The following NRG1 variants were observed in gnomAD, a reference collection of about 807,000 sequenced individuals.
NRG1 encodes neuregulin 1.
Under a neutral mutation model 63.8 loss-of-function variants are expected in NRG1, and 18 were observed. The ratio of observed to expected loss-of-function variants is 0.28; its 90% CI spans 0.19 to 0.42. The LOEUF (loss-of-function observed/expected upper bound fraction) is 0.42. Among genes scored for constraint, NRG1 ranks in the 10% least tolerant of loss-of-function variants. The pLI is 1.00. For missense variants in NRG1, 762 were observed against 814.7 expected, an observed-to-expected ratio of 0.94 and a Z score of 0.79; for synonymous variants, 302 against 301.3, an observed-to-expected ratio of 1.00 and a Z score of -0.02.
chr8:31,680,669 C>G (rs996471538), intron 1 of NRG1, among the ~76,000 whole-genome samples: 6 of 151,454 alleles, frequency 4.0e-5, no homozygotes. Flanking sequence ...AATGGGATGG[C>G]TGGGTCAAAT....
At chr8:31,748,094 T>G (rs922076030) in intron 1 of NRG1, among the ~76,000 whole-genome samples, 1 of 151,992 alleles carries the variant, frequency 6.6e-6, no homozygotes, top group African/African-American at 2.4e-5. Flanking sequence ...TCTACCATAT[T>G]GTAATACTGT....
intron 1 of NRG1, among the ~76,000 whole-genome samples, chr8:31,662,267 T>C (rs1415568259): frequency 6.6e-6 from 1 of 152,210 alleles, no homozygotes; most frequent in Non-Finnish European, 1.5e-5. Flanking sequence ...TGTGCACTTT[T>C]CTTCATACAT....
intron 1 of NRG1, among the ~76,000 whole-genome samples, chr8:32,549,157 T>C (rs1363679755): frequency 6.6e-6 from 1 of 152,196 alleles, no homozygotes; most frequent in African/African-American, 2.4e-5. Flanking sequence ...GAGTGGGACC[T>C]GGGCTATAGG....
chr8:32,566,342 C>CAAAA (rs35064563), intron 1 of NRG1, among the ~76,000 whole-genome samples: 9,962 of 102,290 alleles, frequency 0.097, 579 homozygotes, highest in Admixed American at 0.22. Context: ...CAGAACATCT[C>CAAAA]AAAAAAAAAA....
At chr8:32,765,473 C>T (rs1314169533) in exon 12 of NRG1, 2 of 152,108 alleles carry the variant, frequency 1.3e-5, no homozygotes, top group Admixed American at 1.3e-4. Context: ...GTATTTCCAT[C>T]GTAGAGTGTT....
At chr8:32,412,423 CATATAT>C (rs1178545836) in intron 1 of NRG1, among the ~76,000 whole-genome samples, 24 of 93,018 alleles carry the variant, frequency 2.6e-4, no homozygotes, top group South Asian at 1.5e-3. Flanking sequence ...TCTCTCTCTA[CATATAT>C]ATATATATAT....
intron 5 of NRG1, chr8:32,648,058 C>T: frequency 6.2e-7 from 1 of 1,614,106 alleles, no homozygotes; most frequent in South Asian, 1.1e-5. Context: ...CACCTTGACC[C>T]TGGGGGGTTA....
intron 1 of NRG1, among the ~76,000 whole-genome samples, chr8:31,932,459 C>T (rs1790449593): frequency 6.6e-6 from 1 of 152,140 alleles, no homozygotes; most frequent in Admixed American, 6.5e-5. Flanking sequence ...TTGTGCTTTT[C>T]CTTTGAGATC....
At chr8:32,148,961 C>T (rs949639168) in intron 1 of NRG1, among the ~76,000 whole-genome samples, 18 of 152,170 alleles carry the variant, frequency 1.2e-4, no homozygotes, top group African/African-American at 4.1e-4. Flanking sequence ...GGGCATCTAT[C>T]ATCCAGGACC....
At chr8:32,522,820 T>C (rs1830463170) in intron 1 of NRG1, among the ~76,000 whole-genome samples, 1 of 151,950 alleles carries the variant, frequency 6.6e-6, no homozygotes, top group South Asian at 2.1e-4. Context: ...TTTTTTTTTT[T>C]TTTGAGACAG....
chr8:32,182,666 C>T (rs1841559015), intron 1 of NRG1, among the ~76,000 whole-genome samples: 1 of 152,154 alleles, frequency 6.6e-6, no homozygotes, highest in South Asian at 2.1e-4. Context: ...CCTCTCTTCC[C>T]TCCTATTTTG....
chr8:32,107,516 C>T (rs1585339373), intron 1 of NRG1, among the ~76,000 whole-genome samples: 1 of 152,210 alleles, frequency 6.6e-6, no homozygotes, highest in South Asian at 2.1e-4. Flanking sequence ...TTTTTTGGCT[C>T]CAGCTGCTCT....
intron 1 of NRG1, among the ~76,000 whole-genome samples, chr8:32,388,913 T>C (rs1345526900): frequency 6.6e-6 from 1 of 152,200 alleles, no homozygotes; most frequent in African/African-American, 2.4e-5. Flanking sequence ...CCATATGGCT[T>C]CTGGGAAATT....
intron 5 of NRG1, among the ~76,000 whole-genome samples, chr8:32,628,304 A>T (rs1417925091): frequency 6.6e-6 from 1 of 152,194 alleles, no homozygotes; most frequent in Non-Finnish European, 1.5e-5. Context: ...AATTTTGTAC[A>T]TTTCTCTTAT....
chr8:32,354,270 G>A (rs1251379523), intron 1 of NRG1, among the ~76,000 whole-genome samples: 1 of 152,172 alleles, frequency 6.6e-6, no homozygotes, highest in African/African-American at 2.4e-5. Context: ...TAGGGAGGCT[G>A]AGGCAGGAGA....
intron 1 of NRG1, among the ~76,000 whole-genome samples, chr8:32,484,445 A>G (rs1011736836): frequency 1.3e-4 from 20 of 152,264 alleles, no homozygotes; most frequent in African/African-American, 4.3e-4. Context: ...ATGTGATAAC[A>G]TTCAGAAAAT....
At chr8:32,029,036 T>G (rs1817880520) in intron 1 of NRG1, among the ~76,000 whole-genome samples, 1 of 152,190 alleles carries the variant, frequency 6.6e-6, no homozygotes, top group South Asian at 2.1e-4. Context: ...TTTAACAAGG[T>G]TTTTGTTAAA....
chr8:32,077,196 G>A (rs1389198192), intron 1 of NRG1, among the ~76,000 whole-genome samples: 2 of 152,050 alleles, frequency 1.3e-5, no homozygotes, highest in Non-Finnish European at 2.9e-5. Flanking sequence ...GTGAAACCCC[G>A]TCTCTACTAA....
intron 1 of NRG1, among the ~76,000 whole-genome samples, chr8:32,045,688 C>G (rs1021372509): frequency 6.6e-6 from 1 of 151,804 alleles, no homozygotes; most frequent in Admixed American, 6.6e-5. Flanking sequence ...AATAAAGATG[C>G]AAAAGCAACT....
Sources: gnomAD v4.1 joint callset for allele counts (sites outside exome capture counted in the v4.1 genomes callset) on GRCh38, gnomAD v4.1.1 for gene constraint, MANE v1.5 for transcripts, NCBI Gene and HGNC (gene_info 2026-07-23, HGNC 2026-07-21) for gene names.